ZNF625: variants seen among roughly 807,000 people sequenced by gnomAD.
ZNF625 encodes zinc finger protein 625.
ZNF625 carries 8 observed loss-of-function variants against 11.1 expected under a neutral mutation model. That is an observed-to-expected ratio of 0.72 (90% CI 0.42 to 1.30). The LOEUF is 1.30. ZNF625 is among the 50% of genes most tolerant of loss of function. ZNF625 has a pLI of 0.01. For synonymous variants in ZNF625, 145 were observed against 153.4 expected, an observed-to-expected ratio of 0.95 and a Z score of 0.41; for missense variants, 349 against 447.6, an observed-to-expected ratio of 0.78 and a Z score of 1.99.
In ZNF625 at chr19:12,145,720, A is replaced by G. The variant is rs754752541; in HGVS notation, c.696T>C (p.Gly232=). 1.9e-6 allele frequency: 3 copies of G among 1,613,934 alleles called. No homozygotes were observed. Among genetic ancestry groups the G allele is most frequent in the Non-Finnish European group, 2.5e-6 (3 of 1,179,992 alleles). ...GAGTTCTTTCATGTATTCGAAGGCT[A>G]CCAGAATGACTAAAGGCTTTACCAC... ...KQCGKAFSHS[G]SLRIHERTHT... is the part of the protein sequence containing the mutation. The change falls in exon 4 of 4, where the codon GGT becomes GGC. Residue 232 remains glycine, a synonymous_variant. Transcript: ENST00000439556.
rs1037370004 is a variant in ZNF625 at position 12,148,769 on chromosome 19, C to G, written c.4-967G>C. Among the ~76,000 whole-genome samples, 31 of 151,446 alleles carry G rather than the reference C, an allele frequency of 2.0e-4. 1 individual carries two copies. The South Asian group carries it at 6.5e-3, about 32-fold the overall frequency. On this transcript the variant is annotated intron_variant, in intron 1 of 3. Coordinates refer to ENST00000439556, the MANE Select transcript of ZNF625 (RefSeq NM_145233.4). ...CCAAGTAGCTGGGATTACAGGCGCC[C>G]GCCACCATGCCTGGCTAATTTTTGT... is the stretch of plus-strand genomic sequence containing the variant.
At chr19:12,147,366 C>T (rs908008449) in intron 3 of ZNF625, 29 bp downstream of exon 3, 17 of 1,457,622 alleles carry the variant, frequency 1.2e-5, no homozygotes, top group African/African-American at 1.1e-4. Context: ...TCTAGAGAGA[C>T]ATCACTTTCT....
Position 12,145,159 on chromosome 19 carries a change from C to T in ZNF625, c.*138G>A. The T allele has an allele frequency of 8.9e-7, 1 of 1,122,086 alleles. No individual in the cohort carries two copies. 69.5% of individuals were successfully genotyped at this position (1,122,086 alleles called of 1,614,324 possible). A position where few individuals can be genotyped will look rare whatever the true frequency, so the allele number is the denominator to read the frequency against. On this transcript the variant is annotated 3_prime_UTR_variant, in exon 4 of 4. Transcript: ENST00000439556. ...CCCAAAAATTTTTGCTCCTGGGCTA[C>T]TGGCATTTATTTCTGAATGCTGTCA...
At chr19:12,148,765 C>T (rs888300738) in intron 1 of ZNF625, among the ~76,000 whole-genome samples, 9 of 151,436 alleles carry the variant, frequency 5.9e-5, no homozygotes, top group African/African-American at 7.3e-5. Context: ...GGATTACAGG[C>T]GCCCGCCACC....
intron 3 of ZNF625, 59 bp from the exon 4 acceptor site, chr19:12,146,283 T>C: frequency 6.8e-7 from 1 of 1,470,220 alleles, no homozygotes. Flanking sequence ...TGATATTCAT[T>C]AACAAGTCAT....
intron 1 of ZNF625, among the ~76,000 whole-genome samples, chr19:12,150,031 G>T (rs56296578): frequency 6.6e-6 from 1 of 152,138 alleles, no homozygotes; most frequent in African/African-American, 2.4e-5. Context: ...GAGCCACCAC[G>T]CCCGGCCCGA....
chr19:12,151,423 C>T lies in ZNF625; in HGVS notation c.4-3621G>A, dbSNP rs999313744. On this transcript the variant is annotated intron_variant, in intron 1 of 3. Coordinates refer to ENST00000439556, the MANE Select transcript of ZNF625 (RefSeq NM_145233.4). ...TGAGACGGAGTCTCGCTCTGTCGCC[C>T]AGGCTGGAGTGCAGTGGCACGATCT... is the stretch of plus-strand genomic sequence containing the variant. 4.6e-5 allele frequency among the ~76,000 whole-genome samples: 7 copies of T among 150,680 alleles called. No homozygotes were observed. The South Asian group carries it at 1.5e-3, about 32-fold the overall frequency.
In ZNF625 at chr19:12,154,222, C is replaced by T. The variant is rs577519865; in HGVS notation, c.3+2334G>A. ...TCCTCTTACCTTTCTCACACAAAGA[C>T]TTCATGGCCATCACAGTGTCTTAAG... On this transcript the variant is annotated intron_variant, in intron 1 of 3. Transcript: ENST00000439556. Among the ~76,000 whole-genome samples the T allele has an allele frequency of 1.9e-4, 29 of 152,276 alleles. 1 individual carries two copies. The South Asian group carries it at 5.0e-3, about 26-fold the overall frequency.
At position 12,145,937 on chromosome 19, in the gene ZNF625, C is replaced by T; in HGVS notation, c.479G>A (p.Gly160Glu). ...ACATTCCTCACAATCATAAGGTTTC[C>T]CCCCAGTGTGAGCCCATTCATGTGT... ...FRTHEWAHTG[G>E]KPYDCEECGK... The change falls in exon 4 of 4, where the codon GGG becomes GAG. Residue 160 changes from glycine to glutamate, a missense_variant. By Grantham distance (98) the Gly-to-Glu change is moderately conservative. Transcript: ENST00000439556. The T allele has an allele frequency of 6.2e-7, 1 of 1,613,988 alleles. No individual in the cohort carries two copies. The highest frequency in any genetic ancestry group is 1.1e-5 in the South Asian group (1 of 91,072).
At chr19:12,150,874 G>T (rs929515479) in intron 1 of ZNF625, among the ~76,000 whole-genome samples, 2 of 152,004 alleles carry the variant, frequency 1.3e-5, no homozygotes, top group East Asian at 3.9e-4. Flanking sequence ...GTGAGATGGG[G>T]GACTGTGGAT....
At chr19:12,149,509 T>C (rs909627024) in intron 1 of ZNF625, among the ~76,000 whole-genome samples, 4 of 152,154 alleles carry the variant, frequency 2.6e-5, no homozygotes, top group African/African-American at 9.7e-5. Flanking sequence ...AAATACAGTA[T>C]GATTAAAGTT....
rs145034125 is a variant in ZNF625, at chr19:12,155,797, G to A, written c.3+759C>T. Among the ~76,000 whole-genome samples the A allele has an allele frequency of 1.1e-3, 168 of 152,188 alleles. 1 individual carries two copies. In the Middle Eastern group the frequency reaches 0.02, roughly 18 times the overall value. On this transcript the variant is annotated intron_variant, in intron 1 of 3. Transcript: ENST00000439556. ...TTCATTTTTTTCAAACTCCTATTCTGAGAAGCAAAACTCTTTAATTTTTAA... is the reference window on the plus strand; with the variant it reads ...TTCATTTTTTTCAAACTCCTATTCTAAGAAGCAAAACTCTTTAATTTTTAA...
rs1340749902 is a variant in ZNF625, at chr19:12,145,180, T to C, written c.*117A>G. 3.2e-6 allele frequency: 4 copies of C among 1,265,772 alleles called. No homozygotes were observed. The highest frequency in any genetic ancestry group is 4.4e-6 in the Non-Finnish European group (4 of 916,984). The allele number at this position is 1,265,772 out of a possible 1,614,324, so 78.4% of individuals were successfully genotyped here. On this transcript the variant is annotated 3_prime_UTR_variant, in exon 4 of 4. Coordinates refer to ENST00000439556, the MANE Select transcript of ZNF625 (RefSeq NM_145233.4). ...GCTACTGGCATTTATTTCTGAATGC[T>C]GTCAAATGACAGTGACTGCAGAAGC...
rs1460475035 is a variant in ZNF625 at position 12,145,353 on chromosome 19, C to T, written c.1063G>A (p.Gly355Arg). 6.2e-7 allele frequency: 1 copy of T among 1,614,072 alleles called. No individual in the cohort carries two copies. The highest frequency in any genetic ancestry group is 1.1e-5 in the South Asian group (1 of 91,048). ...GTGTTGGAGCTACAGGGTTTTTCTCCAGTGTGAGTCCTTTCATGGATTTTA... is the reference window on the plus strand; with the variant it reads ...GTGTTGGAGCTACAGGGTTTTTCTCTAGTGTGAGTCCTTTCATGGATTTTA... ...SVKIHERTHT[G>R]EKPCSSNTSK... The change falls in exon 4 of 4, where the codon GGA becomes AGA. Residue 355 changes from glycine to arginine, a missense_variant. Coordinates refer to ENST00000439556, the MANE Select transcript of ZNF625 (RefSeq NM_145233.4).
chr19:12,153,349 C>CA (rs1260818004), intron 1 of ZNF625, among the ~76,000 whole-genome samples: 1,723 of 61,226 alleles, frequency 0.028, 23 homozygotes, highest in East Asian at 0.052. Flanking sequence ...GACTCCATCT[C>CA]AAAAAAAAAA....
Position 12,145,669 on chromosome 19 carries a change from G to A in ZNF625, c.747C>T (p.Cys249=). Residue 249 remains cysteine (C), a synonymous_variant, in exon 4 of 4, where the codon TGC becomes TGT. Coordinates refer to ENST00000439556, the MANE Select transcript of ZNF625 (RefSeq NM_145233.4). ...TATGGAATGCTTTCCCACACTCACT[G>A]CATTCATAAGGCTTCTCTCCAGTGT... ...RTHTGEKPYE[C]SECGKAFHSS... The A allele has an allele frequency of 6.2e-7, 1 of 1,613,112 alleles. No individual in the cohort carries two copies. The highest frequency in any genetic ancestry group is 2.2e-5 in the East Asian group (1 of 44,832).
At chr19:12,148,444 G>A (rs1195256718) in intron 1 of ZNF625, among the ~76,000 whole-genome samples, 3 of 152,106 alleles carry the variant, frequency 2.0e-5, no homozygotes, top group Admixed American at 6.6e-5. Context: ...AAACTCCAGG[G>A]TGTCCAGTCT....
chr19:12,145,209 AG>A lies in ZNF625; in HGVS notation c.*87del. 1 of 1,396,660 alleles carries A rather than the reference AG, an allele frequency of 7.2e-7. No individual in the cohort carries two copies. 86.5% of individuals were successfully genotyped at this position (1,396,660 alleles called of 1,614,324 possible). ...AAATGACAGTGACTGCAGAAGCTTCAGAATAATTTTGCGATGGTTCCCATGA... is the reference window on the plus strand; with the variant it reads ...AAATGACAGTGACTGCAGAAGCTTCAAATAATTTTGCGATGGTTCCCATGA... On this transcript the variant is annotated 3_prime_UTR_variant, in exon 4 of 4. Coordinates refer to ENST00000439556, the MANE Select transcript of ZNF625 (RefSeq NM_145233.4).
Position 12,156,670 on chromosome 19 carries a change from G to C in ZNF625, c.-112C>G, listed in dbSNP as rs1599445622. The C allele has an allele frequency of 3.6e-6, 4 of 1,124,628 alleles. No individual in the cohort carries two copies. Among genetic ancestry groups the C allele is most frequent in the East Asian group, 6.4e-5 (2 of 31,164 alleles). The allele number at this position is 1,124,628 out of a possible 1,614,324, so 69.7% of individuals were successfully genotyped here. The stretch of plus-strand genomic sequence containing the variant: ...ATGGCGGAGGCACCTGGTCCCTCTC[G>C]GGGCCGGAAAACCGAGATCCCGACC... On this transcript the variant is annotated 5_prime_UTR_variant, in exon 1 of 4. Coordinates refer to ENST00000439556, the MANE Select transcript of ZNF625 (RefSeq NM_145233.4).
Sources: allele counts gnomAD v4.1 joint callset (sites outside exome capture counted in the v4.1 genomes callset), GRCh38; gene constraint gnomAD v4.1.1; transcripts MANE v1.5; gene names NCBI Gene and HGNC (gene_info 2026-07-23, HGNC 2026-07-21).